Variants in AP2B1 observed in about 807,000 individuals in gnomAD.
The protein encoded by AP2B1 is AP-2 complex subunit beta.
AP2B1 carries 23 observed loss-of-function variants against 102.0 expected under a neutral mutation model. That is an observed-to-expected ratio of 0.23 (90% CI 0.16 to 0.32). AP2B1 has a LOEUF of 0.32. Among genes scored for constraint, AP2B1 ranks in the 10% least tolerant of loss-of-function variants. The pLI, the probability that AP2B1 is intolerant of heterozygous loss-of-function variation, is 1.00. For missense variants in AP2B1, 541 were observed against 1,157.4 expected (o/e 0.47, Z 7.73); for synonymous variants, 381 against 421.2 (o/e 0.90, Z 1.17).
intron 14 of AP2B1, among the ~76,000 whole-genome samples, chr17:35,670,198 T>A (rs750780784): frequency 6.6e-6 from 1 of 152,246 alleles, no homozygotes; most frequent in Non-Finnish European, 1.5e-5. Flanking sequence ...TTAGTAGAAT[T>A]GACTGTGAAA....
At chr17:35,589,989 G>A (rs1480714948) in intron 1 of AP2B1, among the ~76,000 whole-genome samples, 1 of 146,544 alleles carries the variant, frequency 6.8e-6, no homozygotes, top group Non-Finnish European at 1.5e-5. Context: ...GCAGTGGCGC[G>A]ATCTCGGCTC....
At chr17:35,672,595 C>T (rs912185351) in intron 16 of AP2B1, among the ~76,000 whole-genome samples, 2 of 152,158 alleles carry the variant, frequency 1.3e-5, no homozygotes, top group African/African-American at 4.8e-5. Context: ...GACCAGTTGT[C>T]CATTCCAGGA....
intron 13 of AP2B1, among the ~76,000 whole-genome samples, chr17:35,654,061 T>C (rs956862921): frequency 6.6e-6 from 1 of 152,050 alleles, no homozygotes; most frequent in African/African-American, 2.4e-5. Flanking sequence ...TTTTACAATT[T>C]TTTTTACTTT....
chr17:35,639,780 C>G lies in AP2B1; in HGVS notation c.1437+20C>G. The G allele has an allele frequency of 6.2e-7, 1 of 1,608,932 alleles. No individual in the cohort carries two copies. The highest frequency in any genetic ancestry group is 1.1e-5 in the South Asian group (1 of 90,360). ...ACCCAGGTAAGTTCTTGTCTCTTGTCTATCCTAGTAGTTTTAGATGTCTTT... is the reference window on the plus strand; with the variant it reads ...ACCCAGGTAAGTTCTTGTCTCTTGTGTATCCTAGTAGTTTTAGATGTCTTT... On this transcript the variant is annotated intron_variant, in intron 11 of 21. Coordinates refer to ENST00000610402, the MANE Select transcript of AP2B1 (RefSeq NM_001030006.2).
chr17:35,670,962 T>A lies in AP2B1; in HGVS notation c.2031+64T>A, dbSNP rs1192148389. 3 of 1,544,146 alleles carry A rather than the reference T, an allele frequency of 1.9e-6. No individual in the cohort carries two copies. In the African/African-American group the frequency reaches 4.1e-5, roughly 21 times the overall value. ...CCCCCTGTTTGATGCCTTTCCTATG[T>A]ACACATTATCAGACCAGCCACTGCT... On this transcript the variant is annotated intron_variant, in intron 15 of 21. Coordinates refer to ENST00000610402, the MANE Select transcript of AP2B1 (RefSeq NM_001030006.2).
Position 35,611,714 on chromosome 17 carries a change from G to A in AP2B1, c.525+3327G>A, listed in dbSNP as rs2142439638. On this transcript the variant is annotated intron_variant, in intron 5 of 21. Transcript: ENST00000610402. ...GGGAATCTTCAAACATTCAAAATTAGGACAAATAAATGAATACAATAAATA... is the reference window on the plus strand; with the variant it reads ...GGGAATCTTCAAACATTCAAAATTAAGACAAATAAATGAATACAATAAATA... 2.0e-5 allele frequency among the ~76,000 whole-genome samples: 3 copies of A among 151,998 alleles called. 1 individual carries two copies. In the East Asian group the frequency reaches 5.8e-4, roughly 29 times the overall value.
Position 35,627,404 on chromosome 17 carries a change from G to A in AP2B1, c.958G>A (p.Glu320Lys). ...CCCTAGGCCTGAAATCTTGAAGCAG[G>A]AAATCAAAGTCTTCTTTGTGAAGTA... ...VQKRPEILKQEIKVFFVKYND... is the reference protein window; with the variant it reads ...VQKRPEILKQKIKVFFVKYND... Residue 320 changes from glutamate to lysine, a missense_variant, in exon 8 of 22, where the codon GAA becomes AAA. Coordinates refer to ENST00000610402, the MANE Select transcript of AP2B1 (RefSeq NM_001030006.2). 1 of 1,613,742 alleles carries A rather than the reference G, an allele frequency of 6.2e-7. No homozygotes were observed. Among genetic ancestry groups the A allele is most frequent in the Non-Finnish European group, 8.5e-7 (1 of 1,179,942 alleles).
intron 2 of AP2B1, among the ~76,000 whole-genome samples, chr17:35,597,387 C>G (rs1211365825): frequency 6.6e-6 from 1 of 152,064 alleles, no homozygotes; most frequent in Non-Finnish European, 1.5e-5. Context: ...AGCCTGGAGA[C>G]CAGGCCTTAA....
chr17:35,673,375 G>T (rs534916910), intron 16 of AP2B1, among the ~76,000 whole-genome samples: 20 of 152,106 alleles, frequency 1.3e-4, no homozygotes, highest in African/African-American at 3.9e-4. Flanking sequence ...TTTTAGTAGA[G>T]GCGGGGTTTC....
At chr17:35,656,606 C>G (rs1598194468) in intron 13 of AP2B1, among the ~76,000 whole-genome samples, 1 of 152,248 alleles carries the variant, frequency 6.6e-6, no homozygotes, top group Middle Eastern at 3.4e-3. Context: ...TATAAAAAAT[C>G]AACTCTTGGC....
At chr17:35,696,529 G>A (rs923553518) in intron 18 of AP2B1, among the ~76,000 whole-genome samples, 4 of 150,484 alleles carry the variant, frequency 2.7e-5, no homozygotes, top group Non-Finnish European at 5.9e-5. Context: ...AGCTGATTAC[G>A]GGTGCCCGCC....
intron 12 of AP2B1, among the ~76,000 whole-genome samples, chr17:35,646,668 C>T (rs1403948620): frequency 1.3e-5 from 2 of 151,282 alleles, no homozygotes; most frequent in Admixed American, 1.3e-4. Flanking sequence ...TCACTGCAGC[C>T]TCCTCCGCCT....
At chr17:35,709,651 G>A (rs587744081) in intron 19 of AP2B1, among the ~76,000 whole-genome samples, 7 of 152,224 alleles carry the variant, frequency 4.6e-5, no homozygotes, top group East Asian at 3.9e-4. Flanking sequence ...TGGAACTTCC[G>A]CTTCCAAATT....
chr17:35,628,135 G>A (rs2074367207), intron 9 of AP2B1, among the ~76,000 whole-genome samples: 2 of 152,112 alleles, frequency 1.3e-5, no homozygotes, highest in African/African-American at 4.8e-5. Context: ...CATTGCATTA[G>A]GTATTATAAA....
chr17:35,665,275 C>A (rs1307946257), intron 14 of AP2B1, among the ~76,000 whole-genome samples: 2 of 151,776 alleles, frequency 1.3e-5, no homozygotes, highest in Non-Finnish European at 2.9e-5. Flanking sequence ...CTACAGGCGC[C>A]CACCACTACA....
intron 5 of AP2B1, among the ~76,000 whole-genome samples, chr17:35,612,662 C>A (rs1055265678): frequency 6.6e-6 from 1 of 152,162 alleles, no homozygotes; most frequent in African/African-American, 2.4e-5. Context: ...AATGTTTACT[C>A]AGACTGAAGA....
chr17:35,694,433 T>TTTA (rs56363655), intron 18 of AP2B1, among the ~76,000 whole-genome samples: 8,211 of 146,422 alleles, frequency 0.056, 380 homozygotes, highest in Middle Eastern at 0.087. Context: ...TTTAATTTTT[T>TTTA]AATTTTTTGT....
At chr17:35,643,969 A>G (rs1195034495) in intron 12 of AP2B1, among the ~76,000 whole-genome samples, 3 of 152,230 alleles carry the variant, frequency 2.0e-5, no homozygotes, top group African/African-American at 7.2e-5. Flanking sequence ...CATGGAAACT[A>G]TGTAGGCCAC....
chr17:35,701,964 G>A (rs749705923), intron 18 of AP2B1, among the ~76,000 whole-genome samples: 1 of 152,148 alleles, frequency 6.6e-6, no homozygotes, highest in African/African-American at 2.4e-5. Flanking sequence ...CCCAAGTGAG[G>A]TCAGAAACTT....
Sources: allele counts gnomAD v4.1 joint callset (sites outside exome capture counted in the v4.1 genomes callset), GRCh38; gene constraint gnomAD v4.1.1; transcripts MANE v1.5; gene names NCBI Gene and HGNC (gene_info 2026-07-23, HGNC 2026-07-21).